Variants in PCLO observed in about 807,000 individuals in gnomAD.
PCLO encodes piccolo presynaptic cytomatrix protein, also known as protein piccolo.
A neutral mutation model predicts 427.5 loss-of-function variants in PCLO; 82 were observed. The observed-to-expected ratio is 0.19, with a 90% confidence interval of 0.16 to 0.23. The LOEUF is 0.23. Among genes scored for constraint, PCLO ranks in the 10% least tolerant of loss-of-function variants. The pLI, the probability that PCLO is intolerant of heterozygous loss-of-function variation, is 1.00. For missense variants in PCLO, 6,239 were observed against 6,115.9 expected (o/e 1.02, Z -0.67); for synonymous variants, 2,357 against 2,155.4 (o/e 1.09, Z -2.59).
At chr7:83,122,618 G>A (rs532713934) in intron 3 of PCLO, among the ~76,000 whole-genome samples, 51 of 152,176 alleles carry the variant, frequency 3.4e-4, no homozygotes, top group Middle Eastern at 3.4e-3. Context: ...GTTATTCAAC[G>A]TAGTACTGGA....
intron 22 of PCLO, among the ~76,000 whole-genome samples, chr7:82,793,679 T>A (rs765765394): frequency 3.9e-5 from 6 of 152,222 alleles, no homozygotes; most frequent in Non-Finnish European, 7.3e-5. Flanking sequence ...ATATTTGATC[T>A]CCACATTTGA....
rs185819360 is a variant in PCLO, at chr7:83,004,285, G to C, written c.3301-37798C>G. ...TTGCAAAGCTGTGATAGTCAAAACAGTCTGGTACTGGCACAGAAACAGACA... is the reference window on the plus strand; with the variant it reads ...TTGCAAAGCTGTGATAGTCAAAACACTCTGGTACTGGCACAGAAACAGACA... On this transcript the variant is annotated intron_variant, in intron 3 of 24. Coordinates refer to ENST00000333891, the MANE Select transcript of PCLO (RefSeq NM_033026.6). Among the ~76,000 whole-genome samples, 26 of 151,852 alleles carry C rather than the reference G, an allele frequency of 1.7e-4. No individual in the cohort carries two copies. In the Admixed American group the frequency reaches 1.7e-3, roughly 10 times the overall value.
At position 82,794,998 on chromosome 7, in the gene PCLO, TTCTTA is replaced by T. The variant is rs1336911801; in HGVS notation, c.15007+6515_15007+6519del. Reference sequence around the variant, plus strand: ...TATTATTTCTTTGAAGCCTTATGGCTTCTTATCTTGCTTAGGAAATTGCCCCTCAT... The same window carrying T: ...TATTATTTCTTTGAAGCCTTATGGCTTCTTGCTTAGGAAATTGCCCCTCAT... On this transcript the variant is annotated intron_variant, in intron 22 of 24. Transcript: ENST00000333891. 2.0e-5 allele frequency among the ~76,000 whole-genome samples: 3 copies of T among 152,254 alleles called. No homozygotes were observed. The East Asian group carries it at 5.8e-4, about 29-fold the overall frequency.
In PCLO at chr7:83,145,025, T is replaced by A. The variant is rs889287882; in HGVS notation, c.1894-9369A>T. On this transcript the variant is annotated intron_variant, in intron 2 of 24. Transcript: ENST00000333891. ...AGAAAGAATAGGAAAGGTACTTTAC[T>A]ACTTTATATTGAAGTGAGAACTGAT... 2.0e-5 allele frequency among the ~76,000 whole-genome samples: 3 copies of A among 152,236 alleles called. No homozygotes were observed. In the South Asian group the frequency reaches 6.2e-4, roughly 31 times the overall value.
intron 3 of PCLO, among the ~76,000 whole-genome samples, chr7:83,102,372 T>C (rs1790758083): frequency 6.6e-6 from 1 of 151,968 alleles, no homozygotes; most frequent in South Asian, 2.1e-4. Context: ...GCAGATTATA[T>C]AAACAATTTA....
At chr7:82,929,670 T>C (rs968755189) in intron 6 of PCLO, among the ~76,000 whole-genome samples, 7 of 152,122 alleles carry the variant, frequency 4.6e-5, no homozygotes, top group African/African-American at 1.4e-4. Context: ...CTTGATACAC[T>C]CATATATTTC....
intron 3 of PCLO, among the ~76,000 whole-genome samples, chr7:82,978,176 G>A (rs776542398): frequency 3.5e-5 from 5 of 142,186 alleles, no homozygotes; most frequent in African/African-American, 7.9e-5. Flanking sequence ...CCACCCCCCC[G>A]GCAAAAACTC....
At chr7:82,766,373 T>C (rs577076992) in intron 22 of PCLO, among the ~76,000 whole-genome samples, 5 of 152,052 alleles carry the variant, frequency 3.3e-5, no homozygotes, top group Admixed American at 2.6e-4. Context: ...CAGAAAACAT[T>C]TAATCAAATG....
At position 82,956,085 on chromosome 7, in the gene PCLO, G is replaced by A. The variant is rs760542901; in HGVS notation, c.4868C>T (p.Ala1623Val). 9 of 1,611,472 alleles carry A rather than the reference G, an allele frequency of 5.6e-6. No homozygotes were observed. Among genetic ancestry groups the A allele is most frequent in the Non-Finnish European group, 7.6e-6 (9 of 1,179,854 alleles). Residue 1623 changes from alanine to valine, a missense_variant, in exon 5 of 25, where the codon GCA becomes GTA. Around this residue, in one of 5 missense-constraint regions of PCLO, gnomAD observed 4,677 missense variants for 4,468.4 expected, o/e 1.05. Coordinates refer to ENST00000333891, the MANE Select transcript of PCLO (RefSeq NM_033026.6). Reference protein sequence around the residue: ...RKSSTSIDEDAGRRHSWHDED... With the variant: ...RKSSTSIDEDVGRRHSWHDED... The stretch of plus-strand genomic sequence containing the variant: ...ATCATGCCATGAGTGACGTCTTCCT[G>A]CATCTTCATCAATGCTTGTGCTACT...
At position 83,096,930 on chromosome 7, in the gene PCLO, T is replaced by TATAATATATTATATATATATAA. The variant is rs1790574837; in HGVS notation, c.3300+37319_3300+37320insTTATATATATATAATATATTAT. On this transcript the variant is annotated intron_variant, in intron 3 of 24. Transcript: ENST00000333891. ...TATTATCTAAATATATATAATATAA[T>TATAATATATTATATATATATAA]ATAATATATTATATATTATATAAAT... is the stretch of plus-strand genomic sequence containing the variant. 3.3e-5 allele frequency among the ~76,000 whole-genome samples: 2 copies of TATAATATATTATATATATATAA among 60,316 alleles called. 1 individual carries two copies. The highest frequency in any genetic ancestry group is 2.1e-4 in the African/African-American group (2 of 9,670). 39.6% of individuals were successfully genotyped at this position (60,316 alleles called of 152,430 possible). A position where few individuals can be genotyped will look rare whatever the true frequency, so the allele number is the denominator to read the frequency against.
chr7:82,761,440 T>G lies in PCLO; in HGVS notation c.15061A>C (p.Thr5021Pro). 1 of 1,592,736 alleles carries G rather than the reference T, an allele frequency of 6.3e-7. No individual in the cohort carries two copies. Among genetic ancestry groups the G allele is most frequent in the South Asian group, 1.1e-5 (1 of 89,892 alleles). Reference sequence around the variant, plus strand: ...TCAACTATTAGTTGTTCACCATCTGTCTTCATTTCCTTCTTCAATGCAATC... The same window carrying G: ...TCAACTATTAGTTGTTCACCATCTGGCTTCATTTCCTTCTTCAATGCAATC... ...IKIALKKEMK[T>P]DGEQLIVEIL... The change falls in exon 23 of 25, where the codon ACA (threonine) becomes CCA (proline). Residue 5021 changes from threonine to proline, a missense_variant. By Grantham distance (38) the Thr-to-Pro change is conservative. Transcript: ENST00000333891.
At chr7:82,997,880 T>C (rs1562907394) in intron 3 of PCLO, among the ~76,000 whole-genome samples, 1 of 152,046 alleles carries the variant, frequency 6.6e-6, no homozygotes, top group Non-Finnish European at 1.5e-5. Flanking sequence ...TAAAGCACAA[T>C]GTCATTTAAA....
intron 3 of PCLO, among the ~76,000 whole-genome samples, chr7:83,133,177 T>C (rs1791615963): frequency 6.6e-6 from 1 of 152,048 alleles, no homozygotes; most frequent in Non-Finnish European, 1.5e-5. Flanking sequence ...TAAAAAAATA[T>C]TTAACTCAAG....
Position 82,950,481 on chromosome 7 carries a change from T to C in PCLO, c.10107A>G (p.Gln3369=), listed in dbSNP as rs1331218761. ...ACTGAACGGTGTACCATCCTTGGCT[T>C]TGTGGTATTTCAATTGCCACAACAG... The part of the protein sequence containing the change: ...ASAVVAIEIP[Q]SQGWYTVQSD... Residue 3369 remains glutamine, a synonymous_variant, in exon 6 of 25, where the codon CAA becomes CAG. Transcript: ENST00000333891. 4 of 1,613,722 alleles carry C rather than the reference T, an allele frequency of 2.5e-6. No homozygotes were observed. The African/African-American group carries it at 4.0e-5, about 16-fold the overall frequency.
intron 9 of PCLO, 70 bp from the exon 10 acceptor site, chr7:82,879,532 G>A: frequency 8.1e-7 from 1 of 1,240,476 alleles, no homozygotes; most frequent in Non-Finnish European, 1.1e-6. Flanking sequence ...AAGTTACAGA[G>A]AGCACAAAAA....
chr7:83,102,648 T>C (rs1189269735), intron 3 of PCLO, among the ~76,000 whole-genome samples: 1 of 152,092 alleles, frequency 6.6e-6, no homozygotes, highest in South Asian at 2.1e-4. Flanking sequence ...ATTATAATGA[T>C]AATGTAAATT....
At chr7:82,844,005 T>A (rs1483899825) in intron 13 of PCLO, among the ~76,000 whole-genome samples, 6 of 152,054 alleles carry the variant, frequency 3.9e-5, no homozygotes, top group African/African-American at 1.4e-4. Context: ...CTGTACAGTA[T>A]AAACATATAC....
At chr7:83,106,715 T>G (rs1451592430) in intron 3 of PCLO, among the ~76,000 whole-genome samples, 3 of 152,122 alleles carry the variant, frequency 2.0e-5, no homozygotes, top group Non-Finnish European at 4.4e-5. Flanking sequence ...TTTCCTATGA[T>G]TATTCAGTTT....
chr7:82,812,914 A>G (rs1397747305), intron 20 of PCLO, among the ~76,000 whole-genome samples: 1 of 147,452 alleles, frequency 6.8e-6, no homozygotes, highest in Non-Finnish European at 1.5e-5. Context: ...CAATTGGAGA[A>G]AAAAAAAACT....
Sources: gnomAD v4.1 joint callset for allele counts (sites outside exome capture counted in the v4.1 genomes callset) on GRCh38, gnomAD v4.1.1 for gene constraint, gnomAD v4.1.1 regional missense constraint, MANE v1.5 for transcripts, NCBI Gene and HGNC (gene_info 2026-07-23, HGNC 2026-07-21) for gene names.